SLC6A6: variants seen among roughly 807,000 people sequenced by gnomAD.
The protein encoded by SLC6A6 is solute carrier family 6 member 6, also known as sodium- and chloride-dependent taurine transporter.
A neutral mutation model predicts 68.8 loss-of-function variants in SLC6A6; 16 were observed. The observed-to-expected ratio is 0.23, with a 90% confidence interval of 0.16 to 0.35. The LOEUF (loss-of-function observed/expected upper bound fraction) is 0.35. SLC6A6 is among the 10% of genes least tolerant of loss of function. The pLI is 1.00. For missense variants in SLC6A6, 474 were observed against 802.8 expected (o/e 0.59, Z 4.95); for synonymous variants, 312 against 315.4 (o/e 0.99, Z 0.12).
At chr3:14,470,729 C>T (rs58509866) in intron 9 of SLC6A6, among the ~76,000 whole-genome samples, 1,991 of 152,246 alleles carry the variant, frequency 0.013, 46 homozygotes, top group African/African-American at 0.046. Context: ...TGGGTGGAAA[C>T]GCCGCGGCTT....
intron 2 of SLC6A6, among the ~76,000 whole-genome samples, chr3:14,417,497 C>T (rs984602587): frequency 6.6e-6 from 1 of 152,054 alleles, no homozygotes; most frequent in Non-Finnish European, 1.5e-5. Flanking sequence ...TTTGGGAGGC[C>T]AAGGTGGGCA....
chr3:14,485,824 A>C lies in SLC6A6; in HGVS notation c.*817A>C, dbSNP rs1297837614. On this transcript the variant is annotated 3_prime_UTR_variant, in exon 15 of 15. Coordinates refer to ENST00000622186, the MANE Select transcript of SLC6A6 (RefSeq NM_003043.6). The stretch of plus-strand genomic sequence containing the variant: ...CGTCAGAACCACTGGCCAGAGAGGG[A>C]GCTGCTAGAGATCCAAGAAGGCTGG... The C allele has an allele frequency of 6.6e-6, 1 of 152,378 alleles. No individual in the cohort carries two copies. The highest frequency in any genetic ancestry group is 6.5e-5 in the Admixed American group (1 of 15,282). The allele number at this position is 152,378 out of a possible 1,614,324, so 9.4% of individuals were successfully genotyped here.
intron 4 of SLC6A6, among the ~76,000 whole-genome samples, chr3:14,446,135 G>C (rs964300344): frequency 4.6e-5 from 7 of 152,216 alleles, no homozygotes; most frequent in African/African-American, 1.4e-4. Flanking sequence ...CAGCTGCACT[G>C]TTCACAGTAG....
intron 14 of SLC6A6, among the ~76,000 whole-genome samples, chr3:14,482,773 C>T (rs1303431232): frequency 6.6e-6 from 1 of 152,062 alleles, no homozygotes; most frequent in Non-Finnish European, 1.5e-5. Context: ...GAGCTTTTGA[C>T]CCATTCTATT....
intron 7 of SLC6A6, among the ~76,000 whole-genome samples, 194 bp downstream of exon 7, chr3:14,466,844 C>G (rs950830276): frequency 1.3e-5 from 2 of 152,222 alleles, no homozygotes; most frequent in Admixed American, 1.3e-4. Context: ...GCTGATGGAC[C>G]TTTCTAGCTG....
Position 14,447,584 on chromosome 3 carries a change from A to G in SLC6A6, c.367A>G (p.Ile123Val), listed in dbSNP as rs754658920. Reference protein sequence around the residue: ...WEKICPLFSGIGYASVVIVSL... With the variant: ...WEKICPLFSGVGYASVVIVSL... Reference sequence around the variant, plus strand: ...CATCTCATTTGCCCAACCTGCAGGTATCGGCTATGCCTCCGTTGTAATTGT... The same window carrying G: ...CATCTCATTTGCCCAACCTGCAGGTGTCGGCTATGCCTCCGTTGTAATTGT... The change falls in exon 5 of 15, where the codon ATC (isoleucine) becomes GTC (valine). Residue 123 changes from isoleucine (I) to valine (V), a missense_variant and splice_region_variant. Ile to Val is a conservative substitution (Grantham distance 29, BLOSUM62 3). Transcript: ENST00000622186. The G allele has an allele frequency of 6.2e-7, 1 of 1,614,250 alleles. No homozygotes were observed. Among genetic ancestry groups the G allele is most frequent in the East Asian group, 2.2e-5 (1 of 44,886 alleles).
At chr3:14,415,095 C>A (rs1286227057) in intron 1 of SLC6A6, among the ~76,000 whole-genome samples, 1 of 152,240 alleles carries the variant, frequency 6.6e-6, no homozygotes, top group Admixed American at 6.5e-5. Flanking sequence ...TTGATGGCCT[C>A]TCATGTGCCC....
At chr3:14,471,130 CTTTTTTTTTTTTT>C (rs754511089) in intron 9 of SLC6A6, among the ~76,000 whole-genome samples, 3 of 83,122 alleles carry the variant, frequency 3.6e-5, no homozygotes, top group Non-Finnish European at 6.8e-5. Flanking sequence ...TGCTTCTTGA[CTTTTTTTTTTTTT>C]TTTTTTTTTA....
intron 10 of SLC6A6, among the ~76,000 whole-genome samples, chr3:14,476,469 T>C (rs1307286071): frequency 1.3e-5 from 2 of 152,202 alleles, no homozygotes; most frequent in Admixed American, 1.3e-4. Flanking sequence ...AACCAGCTTC[T>C]TTTCCTTTGG....
intron 5 of SLC6A6, among the ~76,000 whole-genome samples, chr3:14,449,190 G>C (rs578128263): frequency 7.2e-5 from 11 of 152,362 alleles, no homozygotes; most frequent in African/African-American, 2.6e-4. Context: ...GCCCTCACTG[G>C]TGTGGAGCCC....
intron 6 of SLC6A6, among the ~76,000 whole-genome samples, chr3:14,460,723 G>A (rs549795799): frequency 6.6e-6 from 1 of 152,376 alleles, no homozygotes; most frequent in Non-Finnish European, 1.5e-5. Flanking sequence ...CTCACCCTTA[G>A]CAACAACCTC....
chr3:14,408,685 T>C (rs1699164724), intron 1 of SLC6A6, among the ~76,000 whole-genome samples: 1 of 152,258 alleles, frequency 6.6e-6, no homozygotes, highest in Non-Finnish European at 1.5e-5. Context: ...GGTGTGCATA[T>C]GGACATAGAC....
intron 5 of SLC6A6, among the ~76,000 whole-genome samples, chr3:14,452,790 T>C (rs1458765404): frequency 6.6e-6 from 1 of 152,190 alleles, no homozygotes; most frequent in Non-Finnish European, 1.5e-5. Context: ...TGCTCTGGGA[T>C]GGGGAAGCAG....
In SLC6A6 at chr3:14,481,147, G is replaced by A. The variant is rs560618869; in HGVS notation, c.1552-524G>A. On this transcript the variant is annotated intron_variant, in intron 13 of 14. Coordinates refer to ENST00000622186, the MANE Select transcript of SLC6A6 (RefSeq NM_003043.6). The surrounding 1 kb of genome is among the most constrained non-coding windows in gnomAD (Gnocchi z 4.7). The stretch of plus-strand genomic sequence containing the variant: ...TCAGACTCACAGTCTGGCAGAACAC[G>A]TGTGCCCAAGAGATGGTTACAACCA... Among the ~76,000 whole-genome samples, 11 of 152,334 alleles carry A rather than the reference G, an allele frequency of 7.2e-5. No homozygotes were observed. Among genetic ancestry groups the A allele is most frequent in the South Asian group, 2.1e-4 (1 of 4,826 alleles).
At chr3:14,413,968 T>C (rs1699309027) in intron 1 of SLC6A6, among the ~76,000 whole-genome samples, 1 of 152,172 alleles carries the variant, frequency 6.6e-6, no homozygotes, top group Non-Finnish European at 1.5e-5. Context: ...GATGAGTCTT[T>C]CTGTGTCTCC....
chr3:14,444,711 A>G, intron 3 of SLC6A6: 1 of 456,560 alleles, frequency 2.2e-6, no homozygotes. Flanking sequence ...ATTTTCCCTT[A>G]GAGCCTGGTT....
rs1487591288 is a variant in SLC6A6 at position 14,466,631 on chromosome 3, C to G, written c.848C>G (p.Thr283Ser). ...GIKFYLYPDI[T>S]RLEDPQVWID... ...AAGTTCTATCTGTATCCTGACATCACCCGCCTTGAGGACCCACAGGTACTG... is the reference window on the plus strand; with the variant it reads ...AAGTTCTATCTGTATCCTGACATCAGCCGCCTTGAGGACCCACAGGTACTG... Residue 283 changes from threonine (T) to serine (S), a missense_variant, in exon 7 of 15, where the codon ACC becomes AGC. By Grantham distance (58) the Thr-to-Ser change is moderately conservative (BLOSUM62 1). Transcript: ENST00000622186. 1.2e-5 allele frequency: 19 copies of G among 1,611,480 alleles called. No individual in the cohort carries two copies. Among genetic ancestry groups the G allele is most frequent in the Non-Finnish European group, 1.6e-5 (19 of 1,178,450 alleles).
At chr3:14,411,314 C>G (rs1328650668) in intron 1 of SLC6A6, 1 of 152,416 alleles carries the variant, frequency 6.6e-6, no homozygotes, top group Non-Finnish European at 1.5e-5. Context: ...GACCAAGCGT[C>G]CAGCTCTCTC....
rs1031707216 is a variant in SLC6A6 at position 14,478,669 on chromosome 3, G to C, written c.1450+101G>C. The C allele has an allele frequency of 2.7e-5, 21 of 791,564 alleles. No individual in the cohort carries two copies. The African/African-American group carries it at 3.4e-4, about 13-fold the overall frequency. The allele number at this position is 791,564 out of a possible 1,614,324, so 49.0% of individuals were successfully genotyped here. On this transcript the variant is annotated intron_variant, in intron 12 of 14. Coordinates refer to ENST00000622186, the MANE Select transcript of SLC6A6 (RefSeq NM_003043.6). ...GAATACTAACAGAAATTCAATTTGAGTTGAACAGTAGGCCCTCCCTACCTA... is the reference window on the plus strand; with the variant it reads ...GAATACTAACAGAAATTCAATTTGACTTGAACAGTAGGCCCTCCCTACCTA...
Sources: allele counts gnomAD v4.1 joint callset (sites outside exome capture counted in the v4.1 genomes callset), GRCh38; gene constraint gnomAD v4.1.1; non-coding constraint Gnocchi (gnomAD v3.1); transcripts MANE v1.5; gene names NCBI Gene and HGNC (gene_info 2026-07-23, HGNC 2026-07-21).